SNTG1: variants seen among roughly 807,000 people sequenced by gnomAD.
SNTG1 encodes the protein gamma-1-syntrophin.
Under a neutral mutation model 74.7 loss-of-function variants are expected in SNTG1, and 39 were observed. The ratio of observed to expected loss-of-function variants is 0.52; its 90% CI spans 0.40 to 0.68. SNTG1 has a LOEUF of 0.68. Among genes scored for constraint, SNTG1 ranks in the 30% least tolerant of loss-of-function variants. The pLI is 0.00. For synonymous variants in SNTG1, 254 were observed against 217.1 expected (o/e 1.17, Z -1.49); for missense variants, 685 against 609.5 (o/e 1.12, Z -1.30).
rs1208456591 is a variant in SNTG1, at chr8:50,045,013, A to C, written c.-102-127548A>C. ...TAGATAAAGAGATTGAGACAGACTG[A>C]GAGAGCAAGTCTACATGATGTAGAG... On this transcript the variant is annotated intron_variant, in intron 1 of 18. Coordinates refer to ENST00000642720, the MANE Select transcript of SNTG1 (RefSeq NM_018967.5). Among the ~76,000 whole-genome samples the C allele has an allele frequency of 5.0e-4, 76 of 152,234 alleles. 1 individual carries two copies. Among genetic ancestry groups the C allele is most frequent in the Non-Finnish European group, 1.5e-5 (1 of 68,050 alleles).
intron 13 of SNTG1, among the ~76,000 whole-genome samples, chr8:50,643,383 G>C (rs11991963): frequency 0.22 from 34,094 of 152,046 alleles, 4,429 homozygotes; most frequent in African/African-American, 0.34. Flanking sequence ...GGTAATTGCC[G>C]TGGTCTCCCC....
intron 1 of SNTG1, among the ~76,000 whole-genome samples, chr8:49,940,283 A>G (rs1172887998): frequency 2.6e-5 from 4 of 152,208 alleles, no homozygotes; most frequent in Non-Finnish European, 5.9e-5. Flanking sequence ...AGAGGATCCC[A>G]GCACCCAGGC....
chr8:49,965,669 G>A (rs954962990), intron 1 of SNTG1, among the ~76,000 whole-genome samples: 2 of 152,092 alleles, frequency 1.3e-5, no homozygotes, highest in African/African-American at 4.8e-5. Context: ...AGCCCCATCA[G>A]AAATGTTCCA....
At chr8:50,025,144 CAAA>C (rs767153429) in intron 1 of SNTG1, among the ~76,000 whole-genome samples, 11 of 152,144 alleles carry the variant, frequency 7.2e-5, no homozygotes, top group Non-Finnish European at 1.6e-4. Context: ...GAAAGATATA[CAAA>C]ACCAAGAAAA....
chr8:50,431,868 A>G (rs1051137381), intron 4 of SNTG1, among the ~76,000 whole-genome samples: 2 of 151,972 alleles, frequency 1.3e-5, no homozygotes, highest in Non-Finnish European at 2.9e-5. Context: ...CCACTTTTTA[A>G]TTGGGTTGTT....
At chr8:50,314,145 A>G (rs1435258882) in intron 2 of SNTG1, among the ~76,000 whole-genome samples, 1 of 149,546 alleles carries the variant, frequency 6.7e-6, no homozygotes, top group East Asian at 2.0e-4. Flanking sequence ...GTGGACAGTT[A>G]CTTATTAAAA....
intron 2 of SNTG1, among the ~76,000 whole-genome samples, chr8:50,198,129 G>A (rs1355690098): frequency 6.6e-6 from 1 of 152,066 alleles, no homozygotes; most frequent in East Asian, 1.9e-4. Context: ...CAGAGCGCAG[G>A]TGAAGTCTCC....
chr8:50,699,329 G>C (rs980011598), intron 15 of SNTG1, among the ~76,000 whole-genome samples: 2 of 152,054 alleles, frequency 1.3e-5, no homozygotes, highest in African/African-American at 4.8e-5. Context: ...ACAGCTTTTT[G>C]GGAATGAAAG....
intron 1 of SNTG1, among the ~76,000 whole-genome samples, chr8:49,953,709 A>G (rs1474789466): frequency 6.6e-6 from 1 of 152,234 alleles, no homozygotes; most frequent in Non-Finnish European, 1.5e-5. Flanking sequence ...GGAAAAGTTC[A>G]TAACCCTATT....
At chr8:50,109,406 G>T (rs1342992216) in intron 1 of SNTG1, among the ~76,000 whole-genome samples, 1 of 152,070 alleles carries the variant, frequency 6.6e-6, no homozygotes, top group Non-Finnish European at 1.5e-5. Context: ...CCAAAAACAT[G>T]CCAGGAGTCT....
At chr8:50,733,346 G>T (rs1006178826) in intron 17 of SNTG1, among the ~76,000 whole-genome samples, 1 of 151,886 alleles carries the variant, frequency 6.6e-6, no homozygotes, top group Non-Finnish European at 1.5e-5. Flanking sequence ...AGGGACTTGG[G>T]TTGATTCCAT....
chr8:50,306,108 C>T (rs901992099), intron 2 of SNTG1, among the ~76,000 whole-genome samples: 1 of 144,728 alleles, frequency 6.9e-6, no homozygotes, highest in Non-Finnish European at 1.5e-5. Context: ...CTTTGTGTAC[C>T]CATAGGTTAG....
chr8:50,078,623 C>A (rs896516588), intron 1 of SNTG1, among the ~76,000 whole-genome samples: 2 of 152,068 alleles, frequency 1.3e-5, no homozygotes, highest in African/African-American at 4.8e-5. Context: ...TAAACATGTG[C>A]CATGGTGGTT....
intron 1 of SNTG1, among the ~76,000 whole-genome samples, chr8:49,920,383 C>T (rs775615667): frequency 3.9e-5 from 6 of 151,918 alleles, no homozygotes; most frequent in Admixed American, 6.6e-5. Flanking sequence ...GACAATCAAG[C>T]TCCAGGAAAG....
At chr8:50,515,000 G>T (rs2467204) in intron 9 of SNTG1, among the ~76,000 whole-genome samples, 41,869 of 151,996 alleles carry the variant, frequency 0.28, 7,382 homozygotes, top group African/African-American at 0.5. Context: ...GGTTTTTATA[G>T]TTAAAGTCTA....
intron 1 of SNTG1, among the ~76,000 whole-genome samples, chr8:50,035,288 C>A (rs1036140527): frequency 1.3e-5 from 2 of 152,118 alleles, no homozygotes. Context: ...CACTTATCTG[C>A]GAACAATCTT....
intron 18 of SNTG1, among the ~76,000 whole-genome samples, chr8:50,783,520 C>G (rs2095666190): frequency 6.6e-6 from 1 of 152,208 alleles, no homozygotes; most frequent in Non-Finnish European, 1.5e-5. Context: ...GATATAATCT[C>G]CTGGTGTGCC....
chr8:50,142,407 A>G (rs1159871003), intron 1 of SNTG1, among the ~76,000 whole-genome samples: 3 of 151,890 alleles, frequency 2.0e-5, no homozygotes, highest in Non-Finnish European at 4.4e-5. Flanking sequence ...AAGAATTCAC[A>G]AGGAATTTCA....
At chr8:50,116,267 T>C (rs2080816986) in intron 1 of SNTG1, among the ~76,000 whole-genome samples, 1 of 152,162 alleles carries the variant, frequency 6.6e-6, no homozygotes. Context: ...CATTAAACAC[T>C]TTCCAAATGC....
Sources: gnomAD v4.1 joint callset for allele counts (sites outside exome capture counted in the v4.1 genomes callset) on GRCh38, gnomAD v4.1.1 for gene constraint, MANE v1.5 for transcripts, NCBI Gene and HGNC (gene_info 2026-07-23, HGNC 2026-07-21) for gene names.